Variants in FAAH2 observed in about 807,000 individuals in gnomAD.
FAAH2 encodes the protein fatty-acid amide hydrolase 2.
A neutral mutation model predicts 36.9 loss-of-function variants in FAAH2; 60 were observed. The ratio of observed to expected loss-of-function variants is 1.63; its 90% CI spans 1.32 to 2.02. The LOEUF (loss-of-function observed/expected upper bound fraction) is 2.02, where lower values mean the gene tolerates loss of function less well. Ranked by LOEUF, FAAH2 falls within the 30% of genes most tolerant of loss-of-function variation. The probability of loss-of-function intolerance (pLI) is 0.00; values close to 1 mark genes in which losing one functional copy is unlikely to be tolerated. For missense variants in FAAH2, 689 were observed against 397.5 expected, an observed-to-expected ratio of 1.73 and a Z score of -6.23; for synonymous variants, 214 against 143.8, an observed-to-expected ratio of 1.49 and a Z score of -3.49.
intron 3 of FAAH2, 127 bp from the exon 4 acceptor site, chrX:57,331,471 C>T (rs886203295): frequency 3.9e-6 from 2 of 514,990 alleles, no homozygotes; most frequent in Non-Finnish European, 6.3e-6. Flanking sequence ...GCCAGTCTTT[C>T]CAATGCCCCA....
At chrX:57,397,706 T>A (rs187897944) in intron 7 of FAAH2, among the ~76,000 whole-genome samples, 3 of 110,802 alleles carry the variant, frequency 2.7e-5, no homozygotes, top group African/African-American at 9.9e-5. Flanking sequence ...TTTTTTCTTT[T>A]TTTATTTATT....
the FAAH2 span, among the ~76,000 whole-genome samples, chrX:57,163,775 G>A: frequency 8.9e-6 from 1 of 112,276 alleles, no homozygotes; most frequent in Admixed American, 9.4e-5. Flanking sequence ...ACTACCTAGT[G>A]AGATGAACCC....
chrX:57,456,504 G>T, intron 10 of FAAH2, among the ~76,000 whole-genome samples: 1 of 111,651 alleles, frequency 9.0e-6, no homozygotes, highest in Non-Finnish European at 1.9e-5. Flanking sequence ...AACAAGTGTT[G>T]CTCCTTCAAA....
intron 10 of FAAH2, among the ~76,000 whole-genome samples, chrX:57,472,086 A>C (rs916665937): frequency 2.7e-5 from 3 of 112,199 alleles, no homozygotes; most frequent in South Asian, 3.7e-4. Context: ...TTATACAAAA[A>C]TTAATTCAAG....
At chrX:57,343,742 T>C (rs1379393800) in intron 5 of FAAH2, among the ~76,000 whole-genome samples, 1 of 111,779 alleles carries the variant, frequency 8.9e-6, no homozygotes. Context: ...TTTTTATAGG[T>C]TGGGATCTTA....
At chrX:57,223,765 C>T in the FAAH2 span, among the ~76,000 whole-genome samples, 1 of 112,086 alleles carries the variant, frequency 8.9e-6, no homozygotes, top group South Asian at 3.7e-4. Context: ...AATGTCATCA[C>T]ACAAACTCTC....
chrX:57,322,165 G>A (rs2053045248), intron 3 of FAAH2, among the ~76,000 whole-genome samples: 1 of 111,499 alleles, frequency 9.0e-6, no homozygotes, highest in African/African-American at 3.3e-5. Flanking sequence ...ACCGCGCCTG[G>A]CTAATTTTTT....
At chrX:57,341,096 T>C (rs2053674823) in intron 4 of FAAH2, among the ~76,000 whole-genome samples, 175 bp from the exon 5 acceptor site, 1 of 112,160 alleles carries the variant, frequency 8.9e-6, no homozygotes, top group Non-Finnish European at 1.9e-5. Context: ...GGCTTAATAT[T>C]CTCAAGTAAT....
intron 8 of FAAH2, among the ~76,000 whole-genome samples, chrX:57,438,611 AT>A (rs1180140048): frequency 9.1e-6 from 1 of 109,971 alleles, no homozygotes; most frequent in Non-Finnish European, 1.9e-5. Context: ...TATTTCTATT[AT>A]TGTTATACTT....
chrX:57,391,727 T>A (rs752186053), intron 7 of FAAH2, among the ~76,000 whole-genome samples: 13 of 111,558 alleles, frequency 1.2e-4, no homozygotes, highest in African/African-American at 3.2e-4. Context: ...GTTACTATAG[T>A]TTTTTAGTAT....
the FAAH2 span, among the ~76,000 whole-genome samples, chrX:57,255,289 C>T: frequency 9.0e-6 from 1 of 111,403 alleles, no homozygotes; most frequent in Non-Finnish European, 1.9e-5. Flanking sequence ...AATTAATAGC[C>T]TACCAACCAA....
At chrX:57,475,355 T>A (rs1164669438) in intron 10 of FAAH2, among the ~76,000 whole-genome samples, 1 of 112,317 alleles carries the variant, frequency 8.9e-6, no homozygotes, top group East Asian at 2.8e-4. Context: ...TAATTCATAC[T>A]AAGTTAATTT....
the FAAH2 span, among the ~76,000 whole-genome samples, chrX:57,237,905 A>T: frequency 8.9e-6 from 1 of 112,026 alleles, no homozygotes; most frequent in Non-Finnish European, 1.9e-5. Flanking sequence ...AAAAAGCTTA[A>T]TATCACTGAT....
At chrX:57,169,517 T>C in the FAAH2 span, among the ~76,000 whole-genome samples, 1 of 4,820 alleles carries the variant, frequency 2.1e-4, no homozygotes, top group Non-Finnish European at 3.2e-4. Context: ...TATATATATA[T>C]ATATATATAT....
intron 3 of FAAH2, among the ~76,000 whole-genome samples, chrX:57,330,361 C>T (rs372183125): frequency 2.2e-4 from 24 of 111,375 alleles, no homozygotes; most frequent in East Asian, 1.1e-3. Flanking sequence ...TCTCCCATAG[C>T]GCTCCCAGGC....
Position 57,299,136 on chromosome X carries a change from A to G in FAAH2, c.275+6556A>G, listed in dbSNP as rs186557245. Reference sequence around the variant, plus strand: ...AGCATCATCCTGCTACCAAAGCCTGACAGAGACACAACAAAAAAAAGAGAA... The same window carrying G: ...AGCATCATCCTGCTACCAAAGCCTGGCAGAGACACAACAAAAAAAAGAGAA... On this transcript the variant is annotated intron_variant, in intron 2 of 10. Coordinates refer to ENST00000374900, the MANE Select transcript of FAAH2 (RefSeq NM_174912.4). Among the ~76,000 whole-genome samples the G allele has an allele frequency of 1.4e-4, 16 of 111,427 alleles. No individual in the cohort carries two copies. In the East Asian group the frequency reaches 3.4e-3, roughly 24 times the overall value.
At chrX:57,285,021 T>C (rs756143778), upstream of FAAH2, among the ~76,000 whole-genome samples, 2 of 112,440 alleles carry the variant, frequency 1.8e-5, no homozygotes, top group South Asian at 7.3e-4. Context: ...GCAAAGTAAA[T>C]ATTTTCATTT....
intron 3 of FAAH2, among the ~76,000 whole-genome samples, chrX:57,312,447 T>C (rs1236577600): frequency 9.0e-6 from 1 of 110,755 alleles, no homozygotes; most frequent in Non-Finnish European, 1.9e-5. Flanking sequence ...CCGAGGCAGG[T>C]GGATCACCTG....
chrX:57,410,773 T>C (rs2055677986), intron 7 of FAAH2, among the ~76,000 whole-genome samples: 1 of 111,956 alleles, frequency 8.9e-6, no homozygotes, highest in Admixed American at 9.5e-5. Context: ...TCCTTTCTCT[T>C]TTATTTAATT....
Sources: allele counts gnomAD v4.1 joint callset (sites outside exome capture counted in the v4.1 genomes callset), GRCh38; gene constraint gnomAD v4.1.1; transcripts MANE v1.5; gene names NCBI Gene and HGNC (gene_info 2026-07-23, HGNC 2026-07-21).